The following DACT2 variants were observed in gnomAD, a reference collection of about 807,000 sequenced individuals.
DACT2 encodes the protein dishevelled binding antagonist of beta catenin 2.
DACT2 carries 20 observed loss-of-function variants against 22.2 expected under a neutral mutation model. The ratio of observed to expected loss-of-function variants is 0.90; its 90% CI spans 0.63 to 1.31. The LOEUF (loss-of-function observed/expected upper bound fraction) is 1.31. Among genes scored for constraint, DACT2 ranks in the 50% most tolerant of loss-of-function variants. The pLI, the probability that DACT2 is intolerant of heterozygous loss-of-function variation, is 0.00. For missense variants in DACT2, 1,048 were observed against 1,061.4 expected (o/e 0.99, Z 0.18); for synonymous variants, 463 against 479.8 (o/e 0.96, Z 0.46).
chr6:168,298,210 G>C (rs976788282), intron 3 of DACT2: 1 of 152,176 alleles, frequency 6.6e-6, no homozygotes, highest in African/African-American at 2.4e-5. Flanking sequence ...CCTGACTTCA[G>C]AGCTGTGGCT....
intron 3 of DACT2, among the ~76,000 whole-genome samples, chr6:168,297,709 T>G (rs1055294729): frequency 1.3e-5 from 2 of 152,240 alleles, no homozygotes; most frequent in African/African-American, 4.8e-5. Flanking sequence ...GGGGTATCTA[T>G]ACAGAGAGAG....
At chr6:168,311,554 A>ACACACACCCATACACACC (rs1285237064) in intron 1 of DACT2, among the ~76,000 whole-genome samples, 1 of 131,230 alleles carries the variant, frequency 7.6e-6, no homozygotes, top group African/African-American at 3.2e-5. Context: ...ACACACATAC[A>ACACACACCCATACACACC]CACACTCACA....
chr6:168,309,996 T>A (rs527520569), intron 3 of DACT2, among the ~76,000 whole-genome samples, 172 bp downstream of exon 3: 1 of 152,338 alleles, frequency 6.6e-6, no homozygotes, highest in African/African-American at 2.4e-5. Flanking sequence ...CGCATTTGGT[T>A]CCTGCCTCCA....
chr6:168,311,597 T>TCACACCCATACACACACACCCATCCAC (rs1554271725), intron 1 of DACT2, among the ~76,000 whole-genome samples: 1 of 100,464 alleles, frequency 1.0e-5, no homozygotes, highest in Non-Finnish European at 2.1e-5. Flanking sequence ...CACACACACA[T>TCACACCCATACACACACACCCATCCAC]ACACACACAC....
chr6:168,310,544 G>A, intron 2 of DACT2, 98 bp from the exon 3 acceptor site: 2 of 1,464,342 alleles, frequency 1.4e-6, no homozygotes, highest in South Asian at 1.4e-5. Context: ...GGGCCCAGGG[G>A]AACCCCTGAG....
At chr6:168,306,015 T>C (rs1436570131), downstream of DACT2, among the ~76,000 whole-genome samples, 1 of 152,204 alleles carries the variant, frequency 6.6e-6, no homozygotes, top group Admixed American at 6.5e-5. Flanking sequence ...CTCCACTGTC[T>C]TCACTGTCAG....
intron 3 of DACT2, among the ~76,000 whole-genome samples, chr6:168,296,664 C>T (rs925063234): frequency 3.9e-5 from 6 of 152,242 alleles, no homozygotes; most frequent in East Asian, 1.9e-4. Flanking sequence ...GCAAGTATCA[C>T]GGGCACCTCC....
chr6:168,295,265 G>A (rs1464660233), intron 3 of DACT2, among the ~76,000 whole-genome samples: 2 of 152,194 alleles, frequency 1.3e-5, no homozygotes, highest in Admixed American at 6.5e-5. Flanking sequence ...AAATAGAATC[G>A]ATAGTATAAC....
intron 3 of DACT2, among the ~76,000 whole-genome samples, chr6:168,296,547 C>T (rs927230505): frequency 1.3e-5 from 2 of 148,974 alleles, no homozygotes; most frequent in Non-Finnish European, 1.5e-5. Flanking sequence ...TCATGGAGGA[C>T]AGGCACCCAG....
At chr6:168,295,541 G>A (rs1215335301) in intron 3 of DACT2, among the ~76,000 whole-genome samples, 1 of 152,084 alleles carries the variant, frequency 6.6e-6, no homozygotes, top group African/African-American at 2.4e-5. Context: ...GGCATATAGG[G>A]ATACATGTAA....
In DACT2 at chr6:168,307,639, G is replaced by A. The variant is rs1208962474; in HGVS notation, c.2118C>T (p.Gly706=). The change falls in exon 4 of 4, where the codon GGC becomes GGT. Residue 706 remains glycine (G), a synonymous_variant. Coordinates refer to ENST00000366795, the MANE Select transcript of DACT2 (RefSeq NM_214462.5). This position sits in a 1 kb window ranked among gnomAD's most constrained non-coding sequence, Gnocchi z 5.3. The part of the protein sequence containing the change: ...DRESSSSDEE[G]GAQSRDCDLA... Reference sequence around the variant, plus strand: ...GGTCACAGTCCCTGCTCTGGGCGCCGCCCTCCTCGTCGCTGCTGCTGGACT... The same window carrying A: ...GGTCACAGTCCCTGCTCTGGGCGCCACCCTCCTCGTCGCTGCTGCTGGACT... 34 of 1,547,162 alleles carry A rather than the reference G, an allele frequency of 2.2e-5. No individual in the cohort carries two copies. Among genetic ancestry groups the A allele is most frequent in the East Asian group, 1.7e-4 (7 of 40,758 alleles).
chr6:168,306,902 G>A, downstream of DACT2: 1 of 990,668 alleles, frequency 1.0e-6, no homozygotes, highest in African/African-American at 1.7e-5. Context: ...GGGAGGAAGA[G>A]GTTAAAAGAG....
intron 2 of DACT2, 46 bp downstream of exon 2, chr6:168,311,106 G>A: frequency 1.3e-6 from 2 of 1,485,444 alleles, no homozygotes; most frequent in Non-Finnish European, 1.8e-6. Context: ...CTCTGCCTGT[G>A]CTGCGTGCCT....
intron 1 of DACT2, among the ~76,000 whole-genome samples, chr6:168,315,289 A>T (rs983421499): frequency 6.6e-6 from 1 of 152,100 alleles, no homozygotes; most frequent in South Asian, 2.1e-4. Flanking sequence ...CAGTCTACTC[A>T]TGGGCCCTGA....
At chr6:168,309,245 A>C in intron 3 of DACT2, 147 bp from the exon 4 acceptor site, 1 of 1,305,386 alleles carries the variant, frequency 7.7e-7, no homozygotes, top group Non-Finnish European at 1.0e-6. Flanking sequence ...ACGGCGACTC[A>C]CAGTCACTGA....
chr6:168,308,527 G>A lies in DACT2; in HGVS notation c.1230C>T (p.Pro410=), dbSNP rs1253227674. The change falls in exon 4 of 4, where the codon CCC becomes CCT. Residue 410 remains proline, a synonymous_variant. Coordinates refer to ENST00000366795, the MANE Select transcript of DACT2 (RefSeq NM_214462.5). Reference sequence around the variant, plus strand: ...TGCCAGACTGCTGGGGACCCTCAAGGGGCATGTATCCCTGCTGCTGGGGCC... The same window carrying A: ...TGCCAGACTGCTGGGGACCCTCAAGAGGCATGTATCCCTGCTGCTGGGGCC... ...RGGPQQQGYM[P]LEGPQQSGSL... is the part of the protein sequence containing the mutation. 8.4e-6 allele frequency: 13 copies of A among 1,551,096 alleles called. No homozygotes were observed. Among genetic ancestry groups the A allele is most frequent in the African/African-American group, 2.7e-5 (2 of 72,946 alleles).
downstream of DACT2, among the ~76,000 whole-genome samples, chr6:168,304,325 A>G (rs372423638): frequency 5.9e-5 from 9 of 152,270 alleles, no homozygotes; most frequent in East Asian, 1.7e-3. Context: ...ATCTCCATCC[A>G]TCCTCTTTCT....
In DACT2 at chr6:168,307,253, G is replaced by A. The variant is rs1222938834; in HGVS notation, c.*179C>T. 7.0e-7 allele frequency: 1 copy of A among 1,423,438 alleles called. No homozygotes were observed. Among genetic ancestry groups the A allele is most frequent in the Admixed American group, 3.0e-5 (1 of 33,174 alleles). The allele number at this position is 1,423,438 out of a possible 1,614,324, so 88.2% of individuals were successfully genotyped here. On this transcript the variant is annotated 3_prime_UTR_variant, in exon 4 of 4. Transcript: ENST00000366795. This position sits in a 1 kb window ranked among gnomAD's most constrained non-coding sequence, Gnocchi z 5.3. ...GCTCCGCATGGAAGTCTTTGCTGGG[G>A]CGGGGACTCACGGCCATACTCCACA...
Position 168,307,477 on chromosome 6 carries a change from G to T in DACT2, c.2280C>A (p.Ile760=). The T allele has an allele frequency of 6.4e-7, 1 of 1,551,680 alleles. No homozygotes were observed. The highest frequency in any genetic ancestry group is 8.7e-7 in the Non-Finnish European group (1 of 1,147,010). ...IKASKALKKK[I]RRFQPTALKV... The stretch of plus-strand genomic sequence containing the variant: ...TCAGGGCCGTCGGCTGGAACCTGCG[G>T]ATCTTCTTCTTCAGGGCCTTGGAGG... Residue 760 remains isoleucine, a synonymous_variant, in exon 4 of 4, where the codon ATC becomes ATA. Coordinates refer to ENST00000366795, the MANE Select transcript of DACT2 (RefSeq NM_214462.5). The surrounding 1 kb of genome is among the most constrained non-coding windows in gnomAD (Gnocchi z 5.3).
Sources: allele counts gnomAD v4.1 joint callset (sites outside exome capture counted in the v4.1 genomes callset), GRCh38; gene constraint gnomAD v4.1.1; non-coding constraint Gnocchi (gnomAD v3.1); transcripts MANE v1.5; gene names NCBI Gene and HGNC (gene_info 2026-07-23, HGNC 2026-07-21).